Variants in MEIS2 observed in about 807,000 individuals in gnomAD.
The protein encoded by MEIS2 is Meis homeobox 2.
MEIS2 carries 9 observed loss-of-function variants against 58.6 expected under a neutral mutation model. That is an observed-to-expected ratio of 0.15 (90% CI 0.09 to 0.27). The LOEUF (loss-of-function observed/expected upper bound fraction) is 0.27, where lower values mean the gene tolerates loss of function less well. Among genes scored for constraint, MEIS2 ranks in the 10% least tolerant of loss-of-function variants. MEIS2 has a pLI of 1.00. For missense variants in MEIS2, 427 were observed against 635.0 expected (o/e 0.67, Z 3.52); for synonymous variants, 221 against 228.4 (o/e 0.97, Z 0.29).
Position 36,892,079 on chromosome 15 carries a change from G to A in MEIS2, c.*94C>T. 1 of 1,328,122 alleles carries A rather than the reference G, an allele frequency of 7.5e-7. No homozygotes were observed. The highest frequency in any genetic ancestry group is 1.1e-6 in the Non-Finnish European group (1 of 942,112). 82.3% of individuals were successfully genotyped at this position (1,328,122 alleles called of 1,614,324 possible). A position where few individuals can be genotyped will look rare whatever the true frequency, so the allele number is the denominator to read the frequency against. ...AAGTAAAAAATAATCACAGCTGTCT[G>A]GAATTTCATATTAAGTGTCAACATC... On this transcript the variant is annotated 3_prime_UTR_variant, in exon 12 of 12. Coordinates refer to ENST00000561208, the MANE Select transcript of MEIS2 (RefSeq NM_170675.5).
At chr15:37,098,421 AG>A (rs1894646763) in intron 1 of MEIS2, 26 of 1,200,770 alleles carry the variant, frequency 2.2e-5, no homozygotes, top group African/African-American at 3.2e-5. Flanking sequence ...AGAGAGAGAG[AG>A]AGAAAATAAA....
chr15:37,004,911 C>A (rs11073220), intron 8 of MEIS2, among the ~76,000 whole-genome samples: 145,031 of 152,314 alleles, frequency 0.95, 69,459 homozygotes, highest in East Asian at 1. Flanking sequence ...TGATTTGATC[C>A]TAACACATTG....
intron 9 of MEIS2, among the ~76,000 whole-genome samples, chr15:36,909,676 C>T (rs1374970603): frequency 6.6e-6 from 1 of 152,040 alleles, no homozygotes; most frequent in African/African-American, 2.4e-5. Flanking sequence ...ATTAGAGAGG[C>T]CAGGTAAATC....
intron 6 of MEIS2, among the ~76,000 whole-genome samples, chr15:37,091,402 G>A (rs1227071829): frequency 6.6e-6 from 1 of 152,022 alleles, no homozygotes; most frequent in Non-Finnish European, 1.5e-5. Flanking sequence ...AAATAGCAGG[G>A]GGCTAAAGTA....
chr15:36,931,011 G>C (rs930381408), intron 9 of MEIS2, among the ~76,000 whole-genome samples: 3 of 152,102 alleles, frequency 2.0e-5, no homozygotes, highest in African/African-American at 7.2e-5. Context: ...ACACTCCCAA[G>C]TTTCCACATT....
chr15:36,958,193 C>T (rs1404650512), intron 8 of MEIS2, among the ~76,000 whole-genome samples: 1 of 152,044 alleles, frequency 6.6e-6, no homozygotes, highest in Non-Finnish European at 1.5e-5. Context: ...TTGGTGGATA[C>T]TGAGAGCCAC....
At chr15:37,086,859 T>C (rs936541592) in intron 6 of MEIS2, among the ~76,000 whole-genome samples, 1 of 152,216 alleles carries the variant, frequency 6.6e-6, no homozygotes, top group African/African-American at 2.4e-5. Flanking sequence ...TGTTCCTCCT[T>C]GGTCATAAAA....
rs2055823557 is a variant in MEIS2 at position 36,891,070 on chromosome 15, C to T, written c.*1103G>A. 8.7e-6 allele frequency: 1 copy of T among 114,900 alleles called. No individual in the cohort carries two copies. Among genetic ancestry groups the T allele is most frequent in the Non-Finnish European group, 1.8e-5 (1 of 55,474 alleles). The allele number at this position is 114,900 out of a possible 1,614,324, so 7.1% of individuals were successfully genotyped here. A position where few individuals can be genotyped will look rare whatever the true frequency, so the allele number is the denominator to read the frequency against. Reference sequence around the variant, plus strand: ...TTTATTACCGCTTTTTGTGACTTAACACCTTTTTTTTTTTAACATAACGTC... The same window carrying T: ...TTTATTACCGCTTTTTGTGACTTAATACCTTTTTTTTTTTAACATAACGTC... On this transcript the variant is annotated 3_prime_UTR_variant, in exon 12 of 12. Coordinates refer to ENST00000561208, the MANE Select transcript of MEIS2 (RefSeq NM_170675.5).
chr15:37,047,507 C>T (rs2062723747), intron 7 of MEIS2, among the ~76,000 whole-genome samples: 1 of 152,106 alleles, frequency 6.6e-6, no homozygotes, highest in African/African-American at 2.4e-5. Flanking sequence ...CCAGAATGCC[C>T]CTCTCAGGAG....
intron 8 of MEIS2, among the ~76,000 whole-genome samples, chr15:36,983,231 G>A (rs558863739): frequency 1.3e-5 from 2 of 152,176 alleles, no homozygotes; most frequent in African/African-American, 4.8e-5. Context: ...CCAGACCAAT[G>A]TCAAAAAGAT....
intron 7 of MEIS2, among the ~76,000 whole-genome samples, chr15:37,069,573 T>A (rs542497130): frequency 1.3e-3 from 199 of 152,188 alleles, no homozygotes; most frequent in Non-Finnish European, 1.8e-3. Context: ...CACATCCAAG[T>A]GGGCAATCCC....
chr15:36,902,403 T>C (rs954099535), intron 9 of MEIS2, among the ~76,000 whole-genome samples: 2 of 152,224 alleles, frequency 1.3e-5, no homozygotes, highest in Admixed American at 1.3e-4. Flanking sequence ...GGCAGGCATC[T>C]GCCTGCAGGG....
chr15:36,987,942 G>A (rs1038916622), intron 8 of MEIS2, among the ~76,000 whole-genome samples: 1 of 152,052 alleles, frequency 6.6e-6, no homozygotes, highest in Non-Finnish European at 1.5e-5. Flanking sequence ...TTTTTGATAG[G>A]TATAATATTT....
intron 7 of MEIS2, among the ~76,000 whole-genome samples, chr15:37,079,633 C>A (rs1038070997): frequency 6.6e-6 from 1 of 152,170 alleles, no homozygotes; most frequent in South Asian, 2.1e-4. Context: ...TAAACACTTA[C>A]ATTCACTACT....
intron 7 of MEIS2, among the ~76,000 whole-genome samples, chr15:37,049,245 A>G (rs79983852): frequency 0.043 from 6,527 of 152,232 alleles, 217 homozygotes; most frequent in East Asian, 0.089. Context: ...CGTATAGCCT[A>G]TACAGGAAAG....
At chr15:36,979,682 TTA>T (rs2059868556) in intron 8 of MEIS2, among the ~76,000 whole-genome samples, 1 of 147,736 alleles carries the variant, frequency 6.8e-6, no homozygotes, top group East Asian at 1.9e-4. Context: ...ATTTCCATTA[TTA>T]TATATAATAT....
intron 9 of MEIS2, among the ~76,000 whole-genome samples, chr15:36,947,933 A>G (rs934587265): frequency 2.0e-5 from 3 of 151,976 alleles, no homozygotes; most frequent in Non-Finnish European, 4.4e-5. Context: ...AAAATGCACT[A>G]AAATAAGTGG....
intron 8 of MEIS2, among the ~76,000 whole-genome samples, chr15:36,965,843 G>GA (rs1338439523): frequency 6.6e-6 from 1 of 151,632 alleles, no homozygotes; most frequent in Non-Finnish European, 1.5e-5. Context: ...ACAAGTCCAA[G>GA]AAAAAAAGAG....
intron 7 of MEIS2, among the ~76,000 whole-genome samples, chr15:37,065,761 A>T (rs765025653): frequency 1.3e-5 from 2 of 152,194 alleles, no homozygotes; most frequent in Admixed American, 6.5e-5. Context: ...TCACACAAAA[A>T]TATCTTTTAA....
Sources: allele counts gnomAD v4.1 joint callset (sites outside exome capture counted in the v4.1 genomes callset), GRCh38; gene constraint gnomAD v4.1.1; transcripts MANE v1.5; gene names NCBI Gene and HGNC (gene_info 2026-07-23, HGNC 2026-07-21).